RCC1L: variants seen among roughly 807,000 people sequenced by gnomAD.
RCC1L encodes the protein RCC1-like G exchanging factor-like protein.
A neutral mutation model predicts 58.6 loss-of-function variants in RCC1L; 46 were observed. That is an observed-to-expected ratio of 0.79 (90% CI 0.62 to 1.00). The LOEUF is 1.00. Among genes scored for constraint, RCC1L ranks in the 50% least tolerant of loss-of-function variants. RCC1L has a pLI of 0.00. For missense variants in RCC1L, 636 were observed against 623.6 expected, an observed-to-expected ratio of 1.02 and a Z score of -0.21; for synonymous variants, 281 against 262.9, an observed-to-expected ratio of 1.07 and a Z score of -0.67.
chr7:75,034,697 T>C (rs1326637681), intron 10 of RCC1L, among the ~76,000 whole-genome samples: 1 of 149,336 alleles, frequency 6.7e-6, no homozygotes, highest in Non-Finnish European at 1.5e-5. Flanking sequence ...GCCTGGTTTG[T>C]TTGTTTTTTT....
chr7:75,069,162 T>C (rs1183427370), intron 2 of RCC1L, among the ~76,000 whole-genome samples: 2 of 151,562 alleles, frequency 1.3e-5, no homozygotes, highest in African/African-American at 2.4e-5. Flanking sequence ...CCACTGCGCC[T>C]GGCATTTCCT....
intron 8 of RCC1L, among the ~76,000 whole-genome samples, chr7:75,056,326 T>C (rs1057348029): frequency 6.2e-4 from 95 of 152,254 alleles, no homozygotes; most frequent in Admixed American, 1.7e-3. Flanking sequence ...GAACACAAAC[T>C]TCCCACATCT....
At chr7:75,040,992 C>CG (rs1805544429), downstream of RCC1L, among the ~76,000 whole-genome samples, 1 of 151,952 alleles carries the variant, frequency 6.6e-6, no homozygotes, top group South Asian at 2.1e-4. Flanking sequence ...CCAAGGTGAG[C>CG]GGATCACCTG....
chr7:75,068,839 T>C (rs1009275964), intron 2 of RCC1L, among the ~76,000 whole-genome samples: 2 of 152,074 alleles, frequency 1.3e-5, no homozygotes, highest in Admixed American at 1.3e-4. Context: ...TCTGGGTAAT[T>C]TCCTATGTTA....
intron 2 of RCC1L, among the ~76,000 whole-genome samples, chr7:75,069,815 T>A (rs1806653309): frequency 6.6e-6 from 1 of 152,018 alleles, no homozygotes; most frequent in Non-Finnish European, 1.5e-5. Context: ...TCTGCCCTCC[T>A]CGGCTTCCCA....
intron 10 of RCC1L, among the ~76,000 whole-genome samples, chr7:75,049,840 C>T (rs2131984391): frequency 6.6e-6 from 1 of 152,228 alleles, no homozygotes; most frequent in Admixed American, 6.5e-5. Context: ...GATCCTGTCA[C>T]CACACTCCAG....
chr7:75,029,197 C>T (rs1303717140), intron 10 of RCC1L, among the ~76,000 whole-genome samples: 1 of 152,172 alleles, frequency 6.6e-6, no homozygotes, highest in African/African-American at 2.4e-5. Flanking sequence ...CTGGCCCCCT[C>T]CTCCTGGCCA....
chr7:75,034,367 T>A (rs1221287424), intron 10 of RCC1L, among the ~76,000 whole-genome samples: 1 of 152,070 alleles, frequency 6.6e-6, no homozygotes, highest in African/African-American at 2.4e-5. Flanking sequence ...ATACAAAAAA[T>A]TAGCCAAGCA....
chr7:75,051,279 T>C (rs1805901321), intron 10 of RCC1L, among the ~76,000 whole-genome samples: 1 of 148,186 alleles, frequency 6.7e-6, no homozygotes, highest in Non-Finnish European at 1.5e-5. Context: ...CACACATATA[T>C]ACACACACAT....
chr7:75,070,695 C>T lies in RCC1L; in HGVS notation c.399G>A (p.Gly133=). The part of the protein sequence containing the change: ...SKTADVTKVW[G]MGLNKDSQLG... ...GCTGAGAATCTTTGTTGAGTCCCAT[C>T]CCCCAGACTTTCGTAACATCCGCAG... The change falls in exon 2 of 11, where the codon GGG becomes GGA. Residue 133 remains glycine, a synonymous_variant. Transcript: ENST00000610322. 1 of 1,614,084 alleles carries T rather than the reference C, an allele frequency of 6.2e-7. No homozygotes were observed. Among genetic ancestry groups the T allele is most frequent in the Non-Finnish European group, 8.5e-7 (1 of 1,180,002 alleles).
chr7:75,056,167 T>G (rs1806073018), intron 8 of RCC1L, 93 bp from the exon 9 acceptor site: 2 of 1,412,956 alleles, frequency 1.4e-6, no homozygotes, highest in Admixed American at 1.9e-5. Flanking sequence ...GTTTATGACA[T>G]CCACACGGTT....
chr7:75,055,950 G>C lies in RCC1L; in HGVS notation c.1182C>G (p.Ile394Met), dbSNP rs587684804. 2.4e-5 allele frequency: 39 copies of C among 1,613,960 alleles called. No individual in the cohort carries two copies. In the South Asian group the frequency reaches 3.1e-4, roughly 13 times the overall value. The change falls in exon 9 of 11, where the codon ATC becomes ATG. Residue 394 changes from isoleucine to methionine, a missense_variant. Transcript: ENST00000610322. ...LFGLTEFNPE[I>M]QVSRIRCGLS... ...GTCCACATCGGATGCGGGAAACCTG[G>C]ATTTCTGGGTTGAACTCCGTCAAGC...
downstream of RCC1L, among the ~76,000 whole-genome samples, chr7:75,039,379 G>A (rs1198664705): frequency 1.3e-5 from 2 of 152,254 alleles, no homozygotes; most frequent in Non-Finnish European, 2.9e-5. Context: ...GCAGAGCACA[G>A]TCAGCGCAGA....
At chr7:75,039,337 G>C (rs1805494626), downstream of RCC1L, among the ~76,000 whole-genome samples, 1 of 152,256 alleles carries the variant, frequency 6.6e-6, no homozygotes. Context: ...CTTCTCTTTA[G>C]GGCATTATTT....
intron 9 of RCC1L, among the ~76,000 whole-genome samples, chr7:75,054,620 TCA>T (rs1314566322): frequency 6.6e-6 from 1 of 152,152 alleles, no homozygotes; most frequent in Non-Finnish European, 1.5e-5. Flanking sequence ...CTTTAAGAAT[TCA>T]TGACACTGAA....
intron 8 of RCC1L, 85 bp downstream of exon 8, chr7:75,057,444 C>G (rs1289440933): frequency 3.2e-5 from 45 of 1,406,466 alleles, no homozygotes; most frequent in Non-Finnish European, 4.4e-5. Context: ...CTAAGGTCTA[C>G]GGCCTGCAAA....
In RCC1L at chr7:75,057,520, AG is replaced by A; in HGVS notation, c.1057+8del. On this transcript the variant is annotated splice_region_variant and intron_variant, in intron 8 of 10. Transcript: ENST00000610322. ...GCTTCCCAATGAGCCACCGGAAAGAAGGTCTCACCGTTTAACACTGCACAGC... is the reference window on the plus strand; with the variant it reads ...GCTTCCCAATGAGCCACCGGAAAGAAGTCTCACCGTTTAACACTGCACAGC... 6.2e-7 allele frequency: 1 copy of A among 1,613,754 alleles called. No homozygotes were observed. The highest frequency in any genetic ancestry group is 8.5e-7 in the Non-Finnish European group (1 of 1,179,708).
At chr7:75,028,331 C>G (rs1270897692) in intron 10 of RCC1L, among the ~76,000 whole-genome samples, 24 of 151,860 alleles carry the variant, frequency 1.6e-4, no homozygotes, top group African/African-American at 5.3e-4. Flanking sequence ...ATGTTGGCCA[C>G]GCTGGTCTTG....
At chr7:75,057,871 T>C (rs1425898754) in intron 7 of RCC1L, 5 of 504,228 alleles carry the variant, frequency 9.9e-6, no homozygotes, top group Non-Finnish European at 1.8e-5. Context: ...TAAAATGACA[T>C]TTGTGGCCGG....
Sources: allele counts gnomAD v4.1 joint callset (sites outside exome capture counted in the v4.1 genomes callset), GRCh38; gene constraint gnomAD v4.1.1; transcripts MANE v1.5; gene names NCBI Gene and HGNC (gene_info 2026-07-23, HGNC 2026-07-21).